The following FMN1 variants were observed in gnomAD, a reference collection of about 807,000 sequenced individuals.
FMN1 encodes formin-1.
Under a neutral mutation model 132.4 loss-of-function variants are expected in FMN1, and 110 were observed. That is an observed-to-expected ratio of 0.83 (90% CI 0.71 to 0.97). FMN1 has a LOEUF of 0.97. Ranked by LOEUF, FMN1 falls within the 50% of genes least tolerant of loss-of-function variation. The pLI is 0.00. For missense variants in FMN1, 1,792 were observed against 1,705.3 expected (o/e 1.05, Z -0.90); for synonymous variants, 722 against 651.7 (o/e 1.11, Z -1.64).
chr15:32,852,170 A>G (rs1228205878), intron 17 of FMN1, among the ~76,000 whole-genome samples: 1 of 152,132 alleles, frequency 6.6e-6, no homozygotes, highest in Non-Finnish European at 1.5e-5. Flanking sequence ...TCTCACATGT[A>G]CAAAGTTAAC....
rs547106118 is a variant in FMN1 at position 32,840,476 on chromosome 15, A to C, written c.3928+16539T>G. Among the ~76,000 whole-genome samples the C allele has an allele frequency of 5.3e-5, 8 of 152,358 alleles. No individual in the cohort carries two copies. The East Asian group carries it at 1.5e-3, about 29-fold the overall frequency. On this transcript the variant is annotated intron_variant, in intron 17 of 20. Coordinates refer to ENST00000616417, the MANE Select transcript of FMN1 (RefSeq NM_001277313.2). ...CTACCGAGGACCTAACAGCATGCCC[A>C]AAACCTCTCATCTCTGCACATAACT... is the stretch of plus-strand genomic sequence containing the variant.
chr15:32,821,982 T>C (rs1376277717), intron 17 of FMN1, among the ~76,000 whole-genome samples: 2 of 152,186 alleles, frequency 1.3e-5, no homozygotes, highest in Non-Finnish European at 2.9e-5. Flanking sequence ...GCTTTAACCA[T>C]TATTTTATAA....
At chr15:32,829,211 A>G (rs756991408) in intron 17 of FMN1, among the ~76,000 whole-genome samples, 5 of 152,240 alleles carry the variant, frequency 3.3e-5, no homozygotes, top group Admixed American at 6.5e-5. Context: ...CAAATACCCA[A>G]TAACAAAAAT....
chr15:33,140,343 C>T (rs1413461094), intron 4 of FMN1, among the ~76,000 whole-genome samples: 1 of 137,392 alleles, frequency 7.3e-6, no homozygotes, highest in Non-Finnish European at 1.6e-5. Context: ...AATAAAGTTA[C>T]CCTTGAACTA....
At chr15:33,026,410 T>TCACACACACACA (rs71113496) in intron 6 of FMN1, among the ~76,000 whole-genome samples, 3,852 of 140,138 alleles carry the variant, frequency 0.027, 101 homozygotes, top group Middle Eastern at 0.039. Flanking sequence ...GTCCAAATTT[T>TCACACACACACA]CACACACACA....
At chr15:32,804,561 C>G (rs1029486132) in intron 17 of FMN1, among the ~76,000 whole-genome samples, 11 of 149,952 alleles carry the variant, frequency 7.3e-5, no homozygotes, top group Admixed American at 6.7e-4. Context: ...ATGTGCACTA[C>G]GTGCAGGTTT....
intron 19 of FMN1, among the ~76,000 whole-genome samples, chr15:32,790,650 T>A (rs2057044062): frequency 6.6e-6 from 1 of 152,208 alleles, no homozygotes; most frequent in African/African-American, 2.4e-5. Flanking sequence ...GAATCTCCTC[T>A]AAAACTATCT....
intron 10 of FMN1, among the ~76,000 whole-genome samples, chr15:32,922,600 A>G (rs1433370958): frequency 6.6e-6 from 1 of 152,228 alleles, no homozygotes; most frequent in Non-Finnish European, 1.5e-5. Flanking sequence ...TTGCTCTTCA[A>G]CAGCCAAACC....
At chr15:32,908,854 C>CA (rs1437010313) in intron 11 of FMN1, among the ~76,000 whole-genome samples, 4 of 152,158 alleles carry the variant, frequency 2.6e-5, no homozygotes, top group Admixed American at 2.6e-4. Context: ...CAAGTACACG[C>CA]AGCTGGACAC....
At chr15:33,076,764 A>C (rs1450472141) in intron 5 of FMN1, among the ~76,000 whole-genome samples, 3 of 152,210 alleles carry the variant, frequency 2.0e-5, no homozygotes, top group Admixed American at 1.3e-4. Flanking sequence ...TAAATAAAAA[A>C]AACTACGGTA....
intron 5 of FMN1, chr15:33,067,284 G>C: frequency 6.2e-7 from 1 of 1,613,782 alleles, no homozygotes; most frequent in Non-Finnish European, 8.5e-7. Context: ...TCTGCACAGA[G>C]CTCTGCACCA....
chr15:32,903,470 T>C (rs1397889413), intron 12 of FMN1, among the ~76,000 whole-genome samples: 2 of 152,092 alleles, frequency 1.3e-5, no homozygotes, highest in Admixed American at 6.5e-5. Context: ...CTGTAATGAG[T>C]CTGGGGAAGA....
chr15:32,890,491 G>A (rs188247349), intron 15 of FMN1, among the ~76,000 whole-genome samples: 28 of 152,266 alleles, frequency 1.8e-4, no homozygotes, highest in African/African-American at 6.5e-4. Context: ...ATCGCATTGT[G>A]GTTTTGATTT....
chr15:33,033,026 C>T lies in FMN1; in HGVS notation c.2162-24951G>A, dbSNP rs545475901. ...AGCTGCTGTTTTACTATTACTGTTT[C>T]GTTTTCGTTTGTTTTTTGTTTTTAA... is the stretch of plus-strand genomic sequence containing the variant. On this transcript the variant is annotated intron_variant, in intron 6 of 20. Transcript: ENST00000616417. Among the ~76,000 whole-genome samples the T allele has an allele frequency of 9.7e-4, 147 of 152,048 alleles. 2 individuals carry two copies. The South Asian group carries it at 0.014, about 15-fold the overall frequency.
chr15:33,002,639 G>A (rs900927417), intron 7 of FMN1, among the ~76,000 whole-genome samples: 6 of 152,176 alleles, frequency 3.9e-5, no homozygotes, highest in South Asian at 2.1e-4. Context: ...GAATGCCTGC[G>A]ACTTAGCCCC....
In FMN1 at chr15:33,066,798, G is replaced by C. The variant is rs757503267; in HGVS notation, c.2044-1724C>G. Reference sequence around the variant, plus strand: ...ATCTCTTCTCTCCTGGGCGACTCAGGGTCTGCTCCCTTCGGTTCAGTTTTG... The same window carrying C: ...ATCTCTTCTCTCCTGGGCGACTCAGCGTCTGCTCCCTTCGGTTCAGTTTTG... On this transcript the variant is annotated intron_variant, in intron 5 of 20. Coordinates refer to ENST00000616417, the MANE Select transcript of FMN1 (RefSeq NM_001277313.2). 1.5e-5 allele frequency: 25 copies of C among 1,613,922 alleles called. No homozygotes were observed. In the South Asian group the frequency reaches 2.5e-4, roughly 16 times the overall value.
chr15:32,875,233 A>G (rs1255824307), intron 16 of FMN1, among the ~76,000 whole-genome samples: 2 of 152,204 alleles, frequency 1.3e-5, no homozygotes, highest in East Asian at 3.9e-4. Context: ...GAGTATTAGT[A>G]AAGTCACACA....
At chr15:33,062,116 G>C (rs1247465782) in intron 6 of FMN1, among the ~76,000 whole-genome samples, 1 of 152,118 alleles carries the variant, frequency 6.6e-6, no homozygotes, top group Non-Finnish European at 1.5e-5. Context: ...GTAATTTTTA[G>C]GGATAGGTAT....
At chr15:32,957,982 C>G (rs761562827) in intron 9 of FMN1, among the ~76,000 whole-genome samples, 20 of 151,904 alleles carry the variant, frequency 1.3e-4, no homozygotes, top group Non-Finnish European at 2.6e-4. Context: ...TGGCACCTAT[C>G]TAAGTATGCA....
Sources: allele counts gnomAD v4.1 joint callset (sites outside exome capture counted in the v4.1 genomes callset), GRCh38; gene constraint gnomAD v4.1.1; transcripts MANE v1.5; gene names NCBI Gene and HGNC (gene_info 2026-07-23, HGNC 2026-07-21).